Variants in SCHIP1 observed in about 807,000 individuals in gnomAD.
SCHIP1 encodes the protein schwannomin interacting protein 1, also known as schwannomin-interacting protein 1.
In SCHIP1, 8 loss-of-function variants were observed where a neutral mutation model predicts 29.7. The ratio of observed to expected loss-of-function variants is 0.27; its 90% CI spans 0.16 to 0.49. SCHIP1 has a LOEUF of 0.49. Ranked by LOEUF, SCHIP1 falls within the 20% of genes least tolerant of loss-of-function variation. The pLI, the probability that SCHIP1 is intolerant of heterozygous loss-of-function variation, is 0.99. For synonymous variants in SCHIP1, 76 were observed against 94.9 expected, an observed-to-expected ratio of 0.80 and a Z score of 1.16; for missense variants, 193 against 294.6, an observed-to-expected ratio of 0.66 and a Z score of 2.52.
At chr3:159,776,332 CTTTTT>C in the SCHIP1 span, among the ~76,000 whole-genome samples, 1 of 135,424 alleles carries the variant, frequency 7.4e-6, no homozygotes, top group African/African-American at 2.9e-5. Context: ...AGTGTTCTGT[CTTTTT>C]TTTTTTTTTT....
At chr3:159,480,459 T>C in the SCHIP1 span, among the ~76,000 whole-genome samples, 3 of 152,292 alleles carry the variant, frequency 2.0e-5, no homozygotes, top group South Asian at 4.2e-4. Context: ...ATTTGAATCA[T>C]GGCTTGATGA....
the SCHIP1 span, among the ~76,000 whole-genome samples, chr3:159,308,554 C>T: frequency 6.6e-6 from 1 of 152,024 alleles, no homozygotes; most frequent in South Asian, 2.1e-4. Context: ...GTGCTTATAC[C>T]CTGTTCATTG....
the SCHIP1 span, among the ~76,000 whole-genome samples, chr3:159,323,603 A>T: frequency 6.6e-6 from 1 of 152,246 alleles, no homozygotes; most frequent in African/African-American, 2.4e-5. Flanking sequence ...CTTTTACTCT[A>T]TTAAGCAATG....
chr3:159,350,926 C>T, the SCHIP1 span, among the ~76,000 whole-genome samples: 29,369 of 151,700 alleles, frequency 0.19, 3,023 homozygotes, highest in Middle Eastern at 0.29. Context: ...AAGATTTTTT[C>T]ATTTAAAAAA....
chr3:159,624,749 C>T, the SCHIP1 span, among the ~76,000 whole-genome samples: 2 of 152,102 alleles, frequency 1.3e-5, no homozygotes, highest in Non-Finnish European at 2.9e-5. Flanking sequence ...ATAAGAACCA[C>T]CATGACCCAG....
At chr3:159,820,106 C>A in the SCHIP1 span, among the ~76,000 whole-genome samples, 1 of 152,176 alleles carries the variant, frequency 6.6e-6, no homozygotes, top group South Asian at 2.1e-4. Context: ...TTACAAGGCT[C>A]ACACACCTGG....
chr3:159,382,288 T>C, the SCHIP1 span, among the ~76,000 whole-genome samples: 2 of 145,272 alleles, frequency 1.4e-5, no homozygotes, highest in Non-Finnish European at 3.0e-5. Flanking sequence ...CCCCAGAGTG[T>C]GATGTTCCCC....
chr3:159,799,895 A>G, the SCHIP1 span, among the ~76,000 whole-genome samples: 1 of 152,218 alleles, frequency 6.6e-6, no homozygotes, highest in African/African-American at 2.4e-5. Flanking sequence ...TTCTAGAAAG[A>G]TAACTTAAGG....
At chr3:159,274,638 A>G in the SCHIP1 span, 1 of 818,432 alleles carries the variant, frequency 1.2e-6, no homozygotes, top group Non-Finnish European at 1.5e-6. Flanking sequence ...TTATTATATG[A>G]CACAACCAAC....
At chr3:159,686,255 T>A in the SCHIP1 span, among the ~76,000 whole-genome samples, 1 of 152,204 alleles carries the variant, frequency 6.6e-6, no homozygotes, top group Non-Finnish European at 1.5e-5. Flanking sequence ...CACAGGAATA[T>A]TTGAAGCCCA....
chr3:159,795,042 C>T, the SCHIP1 span, among the ~76,000 whole-genome samples: 3 of 152,080 alleles, frequency 2.0e-5, no homozygotes. Flanking sequence ...AATGGGAAGA[C>T]CTAAGAAAGC....
chr3:159,545,190 G>A, the SCHIP1 span, among the ~76,000 whole-genome samples: 13 of 151,892 alleles, frequency 8.6e-5, no homozygotes, highest in African/African-American at 3.1e-4. Flanking sequence ...GTCTTGTGAT[G>A]GTTAATACTG....
At chr3:159,578,067 G>A in the SCHIP1 span, among the ~76,000 whole-genome samples, 4 of 152,070 alleles carry the variant, frequency 2.6e-5, no homozygotes, top group Admixed American at 2.6e-4. Context: ...ACCCGGTTTT[G>A]GGGGGGTGGA....
At chr3:159,713,153 C>CA in the SCHIP1 span, among the ~76,000 whole-genome samples, 796 of 46,852 alleles carry the variant, frequency 0.017, 4 homozygotes, top group African/African-American at 0.053. Flanking sequence ...GAAACTCCAT[C>CA]AAAAAAAAAA....
the SCHIP1 span, among the ~76,000 whole-genome samples, chr3:159,804,247 C>T: frequency 6.6e-6 from 1 of 152,126 alleles, no homozygotes; most frequent in Non-Finnish European, 1.5e-5. Context: ...TTGGGCTGAG[C>T]AGGTGAGGGA....
At chr3:159,575,801 C>T in the SCHIP1 span, among the ~76,000 whole-genome samples, 4 of 152,118 alleles carry the variant, frequency 2.6e-5, no homozygotes, top group Admixed American at 6.6e-5. Context: ...ATTCTACACT[C>T]CTAAAAGCTT....
the SCHIP1 span, among the ~76,000 whole-genome samples, chr3:159,682,157 C>G: frequency 6.6e-6 from 1 of 152,170 alleles, no homozygotes; most frequent in South Asian, 2.1e-4. Flanking sequence ...CTTATCCTTT[C>G]TGAGGTTTAA....
chr3:159,791,002 G>T, the SCHIP1 span, among the ~76,000 whole-genome samples: 1 of 152,150 alleles, frequency 6.6e-6, no homozygotes, highest in Non-Finnish European at 1.5e-5. Flanking sequence ...CCGCTTCTGA[G>T]AAATCAGAAT....
At chr3:159,821,786 TG>T in the SCHIP1 span, among the ~76,000 whole-genome samples, 1 of 152,260 alleles carries the variant, frequency 6.6e-6, no homozygotes, top group East Asian at 1.9e-4. Flanking sequence ...AGCTTCTCTT[TG>T]GCATATCCGA....
Sources: allele counts gnomAD v4.1 joint callset (sites outside exome capture counted in the v4.1 genomes callset), GRCh38; gene constraint gnomAD v4.1.1; transcripts MANE v1.5; gene names NCBI Gene and HGNC (gene_info 2026-07-23, HGNC 2026-07-21).